Variants in ARID4B observed in about 807,000 individuals in gnomAD.
ARID4B encodes the protein AT-rich interaction domain 4B.
In ARID4B, 26 loss-of-function variants were observed where a neutral mutation model predicts 147.5. The observed-to-expected ratio is 0.18, with a 90% CI of 0.13 to 0.24. The LOEUF (loss-of-function observed/expected upper bound fraction) is 0.24. Among genes scored for constraint, ARID4B ranks in the 10% least tolerant of loss-of-function variants. ARID4B has a pLI of 1.00. For synonymous variants in ARID4B, 512 were observed against 507.9 expected (o/e 1.01, Z -0.11); for missense variants, 1,179 against 1,511.5 (o/e 0.78, Z 3.65).
chr1:235,201,801 T>C (rs1363186422), intron 17 of ARID4B, among the ~76,000 whole-genome samples: 1 of 151,974 alleles, frequency 6.6e-6, no homozygotes, highest in East Asian at 1.9e-4. Context: ...GGAGAATCAC[T>C]TGATCCCAGA....
chr1:235,276,406 T>G (rs1200854194), intron 2 of ARID4B, among the ~76,000 whole-genome samples: 1 of 152,122 alleles, frequency 6.6e-6, no homozygotes, highest in Non-Finnish European at 1.5e-5. Context: ...TATTTACACT[T>G]TTTAAAAAAC....
intron 18 of ARID4B, 146 bp downstream of exon 18, chr1:235,195,885 C>A: frequency 1.7e-6 from 1 of 585,958 alleles, no homozygotes; most frequent in Non-Finnish European, 3.0e-6. Flanking sequence ...CTTTCCCTAA[C>A]CTGACAAAAT....
intron 2 of ARID4B, among the ~76,000 whole-genome samples, chr1:235,321,910 C>T (rs374711257): frequency 9.2e-4 from 140 of 152,256 alleles, no homozygotes; most frequent in African/African-American, 3.2e-3. Context: ...AATTTCCATC[C>T]TTACATTCAG....
chr1:235,243,264 A>T (rs886390570), intron 7 of ARID4B, among the ~76,000 whole-genome samples: 1 of 152,288 alleles, frequency 6.6e-6, no homozygotes, highest in East Asian at 1.9e-4. Context: ...ATACTATTAC[A>T]CATGAAGCTC....
chr1:235,257,720 A>G (rs1670071777), intron 3 of ARID4B, among the ~76,000 whole-genome samples: 1 of 152,070 alleles, frequency 6.6e-6, no homozygotes, highest in African/African-American at 2.4e-5. Context: ...ACCTCAAGTG[A>G]TCCGCCCGCC....
chr1:235,313,089 G>A (rs944199860), intron 2 of ARID4B, among the ~76,000 whole-genome samples: 2 of 152,132 alleles, frequency 1.3e-5, no homozygotes, highest in African/African-American at 4.8e-5. Context: ...TATCACCTAG[G>A]CTGGAGTGCA....
At chr1:235,284,882 T>C (rs1671875291) in intron 2 of ARID4B, among the ~76,000 whole-genome samples, 1 of 151,046 alleles carries the variant, frequency 6.6e-6, no homozygotes, top group Admixed American at 6.7e-5. Flanking sequence ...ATATCCCTCA[T>C]GAGCAAAAAT....
At chr1:235,173,256 A>G (rs1292159759) in intron 22 of ARID4B, among the ~76,000 whole-genome samples, 1 of 152,190 alleles carries the variant, frequency 6.6e-6, no homozygotes, top group African/African-American at 2.4e-5. Context: ...GGGCAGGATA[A>G]TCGCTTGAAT....
At chr1:235,214,067 T>G in intron 16 of ARID4B, 41 bp from the exon 17 acceptor site, 1 of 1,559,566 alleles carries the variant, frequency 6.4e-7, no homozygotes, top group Non-Finnish European at 8.6e-7. Context: ...TAAAAGACAC[T>G]TCATAAGTTT....
At chr1:235,227,128 G>A (rs184626168) in intron 11 of ARID4B, among the ~76,000 whole-genome samples, 18 of 152,360 alleles carry the variant, frequency 1.2e-4, no homozygotes, top group African/African-American at 4.3e-4. Flanking sequence ...GGAGGAAAAG[G>A]TGGTGCCTAC....
chr1:235,323,056 T>C (rs1024173708), intron 2 of ARID4B, among the ~76,000 whole-genome samples: 1 of 149,974 alleles, frequency 6.7e-6, no homozygotes, highest in African/African-American at 2.5e-5. Flanking sequence ...TTTTTTTTTT[T>C]TCCTGAAATG....
chr1:235,321,334 G>A (rs1435170561), intron 2 of ARID4B, among the ~76,000 whole-genome samples: 1 of 152,060 alleles, frequency 6.6e-6, no homozygotes, highest in Admixed American at 6.6e-5. Context: ...ATAGATATGA[G>A]GTTAACATTC....
rs10588817 is a variant in ARID4B, at chr1:235,213,963, TTCC to T, written c.1644_1646del (p.Glu553del). ...CATCATCTTCATCCTCTTCTTCTTC[TTCC>T]TCCTCCTCCTCCTCTTCTGCTTCTT... On this transcript the variant is annotated inframe_deletion, in exon 17 of 24. Transcript: ENST00000264183. 22,305 of 1,575,254 alleles carry T rather than the reference TTCC, an allele frequency of 0.014. 676 individuals carry two copies. Among genetic ancestry groups the T allele is most frequent in the African/African-American group, 0.12 (8,926 of 73,704 alleles).
intron 2 of ARID4B, among the ~76,000 whole-genome samples, chr1:235,285,002 C>G (rs1446618725): frequency 3.3e-5 from 5 of 152,128 alleles, no homozygotes; most frequent in Non-Finnish European, 7.3e-5. Flanking sequence ...CTCCTGAAGT[C>G]AAGTGATCCT....
chr1:235,264,147 A>G (rs1400169730), intron 2 of ARID4B, among the ~76,000 whole-genome samples: 2 of 152,184 alleles, frequency 1.3e-5, no homozygotes, highest in East Asian at 3.8e-4. Context: ...TTTATTATAC[A>G]TTATCTCAGG....
chr1:235,167,611 T>C lies in ARID4B; in HGVS notation c.*914A>G. 4.7e-6 allele frequency: 1 copy of C among 213,624 alleles called. No homozygotes were observed. Among genetic ancestry groups the C allele is most frequent in the East Asian group, 7.1e-5 (1 of 14,136 alleles). The allele number at this position is 213,624 out of a possible 1,614,324, so 13.2% of individuals were successfully genotyped here. ...AATACATTACTTGTTCCTGAAGTCC[T>C]TTTGTTGTAGCTCATAATAAAATAA... On this transcript the variant is annotated 3_prime_UTR_variant, in exon 24 of 24. Transcript: ENST00000264183.
chr1:235,243,200 T>C (rs1173326188), intron 7 of ARID4B, among the ~76,000 whole-genome samples: 3 of 152,184 alleles, frequency 2.0e-5, no homozygotes, highest in East Asian at 1.9e-4. Context: ...TTTTTTATTA[T>C]GGTATTTCTG....
At position 235,194,294 on chromosome 1, in the gene ARID4B, T is replaced by A. The variant is rs1309251940; in HGVS notation, c.1927-83A>T. ...GTTAATGTCCACTTTTAACTCACTA[T>A]TACAGAATATGTTGTTAAATATTTA... On this transcript the variant is annotated intron_variant, in intron 18 of 23. Transcript: ENST00000264183. 6 of 981,302 alleles carry A rather than the reference T, an allele frequency of 6.1e-6. No individual in the cohort carries two copies. The South Asian group carries it at 7.7e-5, about 13-fold the overall frequency. 60.8% of individuals were successfully genotyped at this position (981,302 alleles called of 1,614,324 possible). A position where few individuals can be genotyped will look rare whatever the true frequency, so the allele number is the denominator to read the frequency against.
At chr1:235,269,413 A>G (rs1253089407) in intron 2 of ARID4B, among the ~76,000 whole-genome samples, 1 of 152,208 alleles carries the variant, frequency 6.6e-6, no homozygotes, top group East Asian at 1.9e-4. Flanking sequence ...TTTGCACTGT[A>G]ATATCAAAAG....
Sources: allele counts gnomAD v4.1 joint callset (sites outside exome capture counted in the v4.1 genomes callset), GRCh38; gene constraint gnomAD v4.1.1; transcripts MANE v1.5; gene names NCBI Gene and HGNC (gene_info 2026-07-23, HGNC 2026-07-21).